NEK10: variants seen among roughly 807,000 people sequenced by gnomAD.
NEK10 encodes the protein NIMA related kinase 10, also known as serine/threonine-protein kinase Nek10.
In NEK10, 122 loss-of-function variants were observed where a neutral mutation model predicts 159.8. That is an observed-to-expected ratio of 0.76 (90% confidence interval 0.66 to 0.89). The LOEUF (loss-of-function observed/expected upper bound fraction) is 0.89. NEK10 is among the 40% of genes least tolerant of loss of function. The pLI is 0.00. For missense variants in NEK10, 1,342 were observed against 1,323.1 expected (o/e 1.01, Z -0.22); for synonymous variants, 466 against 457.1 (o/e 1.02, Z -0.25).
chr3:27,291,787 T>C lies in NEK10; in HGVS notation c.1374-201A>G, dbSNP rs369821930. Among the ~76,000 whole-genome samples the C allele has an allele frequency of 8.3e-3, 1,260 of 152,052 alleles. 19 individuals carry two copies. The highest frequency in any genetic ancestry group is 0.028 in the African/African-American group (1,159 of 41,406). On this transcript the variant is annotated intron_variant, in intron 16 of 35. Coordinates refer to ENST00000691995, the MANE Select transcript of NEK10 (RefSeq NM_001394966.1). ...CCTCCCAAGTAGCTGGGACTACAGG[T>C]GCCTGCCACCATGCCCGGCTAATTT...
At chr3:27,255,286 G>A (rs1368503441) in intron 23 of NEK10, 1 of 435,032 alleles carries the variant, frequency 2.3e-6, no homozygotes, top group Non-Finnish European at 4.6e-6. Context: ...CAGTTTCTTT[G>A]CATCTTCTCA....
rs2042935891 is a variant in NEK10 at position 27,290,697 on chromosome 3, G to A, written c.1663C>T (p.Pro555Ser). The change falls in exon 19 of 36, where the codon CCA (proline) becomes TCA (serine). Residue 555 changes from proline (P) to serine (S), a missense_variant. Coordinates refer to ENST00000691995, the MANE Select transcript of NEK10 (RefSeq NM_001394966.1). Reference sequence around the variant, plus strand: ...TCTTTCTTATCCTTTCCAAATGCTGGGTTATGTAAATTGACCTCTTTCATT... The same window carrying A: ...TCTTTCTTATCCTTTCCAAATGCTGAGTTATGTAAATTGACCTCTTTCATT... ...LAMKEVNLHN[P>S]AFGKDKKDRD... 6.2e-7 allele frequency: 1 copy of A among 1,607,996 alleles called. No individual in the cohort carries two copies. Among genetic ancestry groups the A allele is most frequent in the East Asian group, 2.2e-5 (1 of 44,784 alleles).
At chr3:27,165,110 C>T (rs949757624) in intron 29 of NEK10, among the ~76,000 whole-genome samples, 6 of 152,106 alleles carry the variant, frequency 3.9e-5, no homozygotes, top group Admixed American at 2.0e-4. Context: ...TAAATGCCCA[C>T]GATGTGTAGC....
chr3:27,246,590 T>C lies in NEK10; in HGVS notation c.2090+9706A>G, dbSNP rs377752425. 5.3e-5 allele frequency among the ~76,000 whole-genome samples: 8 copies of C among 150,816 alleles called. No homozygotes were observed. In the East Asian group the frequency reaches 7.7e-4, roughly 15 times the overall value. Reference sequence around the variant, plus strand: ...CTTTCAGTTATTGTAAAATGTATAATTAAATTTTTTTAACTATAGTCACCC... The same window carrying C: ...CTTTCAGTTATTGTAAAATGTATAACTAAATTTTTTTAACTATAGTCACCC... On this transcript the variant is annotated intron_variant, in intron 23 of 35. Transcript: ENST00000691995.
chr3:27,342,152 C>T (rs1411018964), intron 5 of NEK10, among the ~76,000 whole-genome samples: 1 of 152,098 alleles, frequency 6.6e-6, no homozygotes, highest in African/African-American at 2.4e-5. Flanking sequence ...CACTTACTTC[C>T]TCCCTTCCTT....
chr3:27,305,115 G>A (rs2044134587), intron 11 of NEK10, 144 bp from the exon 12 acceptor site: 4 of 622,384 alleles, frequency 6.4e-6, no homozygotes, highest in South Asian at 1.9e-5. Flanking sequence ...TCTGTAAGGA[G>A]CCCGATCAAA....
At chr3:27,305,215 T>C (rs1273614201) in intron 11 of NEK10, among the ~76,000 whole-genome samples, 1 of 152,164 alleles carries the variant, frequency 6.6e-6, no homozygotes, top group African/African-American at 2.4e-5. Context: ...ATAGACAACA[T>C]ATAAAAATAA....
intron 5 of NEK10, among the ~76,000 whole-genome samples, chr3:27,331,028 G>A (rs112058277): frequency 0.017 from 2,659 of 152,106 alleles, 49 homozygotes; most frequent in Non-Finnish European, 0.023. Flanking sequence ...CTGAGGTCAG[G>A]AGTTCAAGAC....
At chr3:27,248,772 T>C (rs538220316) in intron 23 of NEK10, among the ~76,000 whole-genome samples, 1 of 152,336 alleles carries the variant, frequency 6.6e-6, no homozygotes, top group East Asian at 1.9e-4. Context: ...TTTTGTGACC[T>C]AACATATGGT....
chr3:27,287,274 A>G (rs548971884), intron 20 of NEK10, among the ~76,000 whole-genome samples: 32 of 152,190 alleles, frequency 2.1e-4, no homozygotes, highest in African/African-American at 7.2e-4. Context: ...TGTGGCATTT[A>G]CCTGAACTTC....
chr3:27,249,119 T>G (rs190193991), intron 23 of NEK10, among the ~76,000 whole-genome samples: 10 of 152,300 alleles, frequency 6.6e-5, no homozygotes, highest in African/African-American at 2.4e-4. Context: ...TGAATTCTCA[T>G]GTGATCGGTT....
At chr3:27,111,456 A>T (rs1028436885) in intron 35 of NEK10, 136 bp from the exon 36 acceptor site, 3 of 676,314 alleles carry the variant, frequency 4.4e-6, no homozygotes, top group Admixed American at 7.2e-5. Context: ...TTTTGTTAGG[A>T]TGGGGACATT....
chr3:27,283,293 C>T (rs2042337792), intron 22 of NEK10, among the ~76,000 whole-genome samples: 1 of 152,054 alleles, frequency 6.6e-6, no homozygotes, highest in African/African-American at 2.4e-5. Context: ...TGGCAGTAGT[C>T]TCCAGCACTG....
chr3:27,193,329 G>C (rs913998282), intron 25 of NEK10, among the ~76,000 whole-genome samples: 2 of 152,086 alleles, frequency 1.3e-5, no homozygotes, highest in African/African-American at 4.8e-5. Context: ...CCTACCTCTG[G>C]TCTGTACTGT....
chr3:27,129,617 A>G (rs1465445831), intron 32 of NEK10, among the ~76,000 whole-genome samples: 3 of 152,170 alleles, frequency 2.0e-5, no homozygotes, highest in Admixed American at 6.5e-5. Context: ...CAGTATACCA[A>G]TAAAGAATGG....
chr3:27,140,748 ATCCC>A (rs2125575546), intron 31 of NEK10, among the ~76,000 whole-genome samples: 1 of 152,310 alleles, frequency 6.6e-6, no homozygotes, highest in South Asian at 2.1e-4. Context: ...TCGTGGATGT[ATCCC>A]AAGTCCCTAG....
intron 13 of NEK10, among the ~76,000 whole-genome samples, chr3:27,297,884 A>G (rs2043478594): frequency 6.6e-6 from 1 of 152,212 alleles, no homozygotes; most frequent in Admixed American, 6.5e-5. Context: ...GCCAGACTCT[A>G]TAGCACAGAG....
At chr3:27,252,989 C>T (rs1575456547) in intron 23 of NEK10, 1 of 439,710 alleles carries the variant, frequency 2.3e-6, no homozygotes, top group East Asian at 6.6e-5. Context: ...CTTAAGAATT[C>T]TATCAACTTT....
intron 30 of NEK10, among the ~76,000 whole-genome samples, chr3:27,158,265 G>C (rs891150382): frequency 4.6e-5 from 7 of 152,028 alleles, no homozygotes; most frequent in African/African-American, 1.4e-4. Context: ...TAGTATCATA[G>C]AAGTTTTGAC....
Sources: allele counts gnomAD v4.1 joint callset (sites outside exome capture counted in the v4.1 genomes callset), GRCh38; gene constraint gnomAD v4.1.1; transcripts MANE v1.5; gene names NCBI Gene and HGNC (gene_info 2026-07-23, HGNC 2026-07-21).